Variants in C6orf89 observed in about 807,000 individuals in gnomAD.
C6orf89 encodes the protein bombesin receptor-activated protein C6orf89.
Under a neutral mutation model 40.7 loss-of-function variants are expected in C6orf89, and 29 were observed. The ratio of observed to expected loss-of-function variants is 0.71; its 90% CI spans 0.53 to 0.97. The LOEUF is 0.97. C6orf89 is among the 50% of genes least tolerant of loss of function. C6orf89 has a pLI of 0.00. For synonymous variants in C6orf89, 165 were observed against 152.2 expected (o/e 1.08, Z -0.62); for missense variants, 392 against 429.1 (o/e 0.91, Z 0.76).
At chr6:36,908,572 A>G (rs1324121623) in intron 4 of C6orf89, among the ~76,000 whole-genome samples, 1 of 152,204 alleles carries the variant, frequency 6.6e-6, no homozygotes, top group Non-Finnish European at 1.5e-5. Flanking sequence ...GTCTATACAA[A>G]TAGATATACT....
intron 7 of C6orf89, 103 bp downstream of exon 7, chr6:36,916,677 A>C: frequency 7.0e-7 from 1 of 1,434,592 alleles, no homozygotes; most frequent in South Asian, 1.2e-5. Flanking sequence ...AGAGGGTTAC[A>C]GGGTGAATTG....
At chr6:36,918,582 T>A (rs1219762988) in intron 7 of C6orf89, among the ~76,000 whole-genome samples, 1 of 151,768 alleles carries the variant, frequency 6.6e-6, no homozygotes, top group Non-Finnish European at 1.5e-5. Flanking sequence ...AGGCCCTGAG[T>A]GGTGAAGAGA....
chr6:36,913,888 C>T (rs1356186680), intron 4 of C6orf89, among the ~76,000 whole-genome samples: 1 of 152,186 alleles, frequency 6.6e-6, no homozygotes, highest in South Asian at 2.1e-4. Context: ...GGGCTGGATG[C>T]GGTGGCTTGC....
At chr6:36,902,818 G>A (rs1761774391) in intron 4 of C6orf89, among the ~76,000 whole-genome samples, 2 of 152,196 alleles carry the variant, frequency 1.3e-5, no homozygotes, top group Admixed American at 1.3e-4. Flanking sequence ...GAAAGCAACC[G>A]AGTTCAGCTT....
intron 7 of C6orf89, among the ~76,000 whole-genome samples, chr6:36,918,033 C>T (rs571042914): frequency 1.3e-5 from 2 of 152,342 alleles, no homozygotes; most frequent in South Asian, 4.1e-4. Context: ...GGCCCAAGCT[C>T]CCCTTTCCCC....
rs1762656231 is a variant in C6orf89 at position 36,925,748 on chromosome 6, A to T, written c.*2307A>T. ...GGGGTTGCCAGCCAGTCCCTTTCTG[A>T]TGATCAAGGCCCTGCACAGCAGGAT... is the stretch of plus-strand genomic sequence containing the variant. On this transcript the variant is annotated 3_prime_UTR_variant, in exon 9 of 9. Coordinates refer to ENST00000480824, the MANE Select transcript of C6orf89 (RefSeq NM_001286635.2). 6.6e-6 allele frequency: 1 copy of T among 152,218 alleles called. No homozygotes were observed. 9.4% of individuals were successfully genotyped at this position (152,218 alleles called of 1,614,324 possible). A position where few individuals can be genotyped will look rare whatever the true frequency, so the allele number is the denominator to read the frequency against.
chr6:36,874,180 G>A (rs1171299506), intron 1 of C6orf89, among the ~76,000 whole-genome samples: 1 of 152,190 alleles, frequency 6.6e-6, no homozygotes, highest in Non-Finnish European at 1.5e-5. Flanking sequence ...GAGTTGCTAA[G>A]ATTAAACTAA....
intron 7 of C6orf89, among the ~76,000 whole-genome samples, chr6:36,917,531 A>T (rs575153331): frequency 2.6e-5 from 4 of 152,354 alleles, no homozygotes; most frequent in African/African-American, 7.2e-5. Context: ...ATAAAAAAAT[A>T]AATTTCCCAA....
intron 1 of C6orf89, among the ~76,000 whole-genome samples, chr6:36,874,153 T>C (rs1774582191): frequency 6.6e-6 from 1 of 152,212 alleles, no homozygotes; most frequent in Non-Finnish European, 1.5e-5. Flanking sequence ...GAAAGTTAAA[T>C]AATACCTTCA....
intron 4 of C6orf89, among the ~76,000 whole-genome samples, chr6:36,902,754 T>G (rs1761772852): frequency 6.6e-6 from 1 of 152,220 alleles, no homozygotes. Flanking sequence ...CATCCTTTTC[T>G]CTCCTGTGAT....
chr6:36,894,790 G>T (rs571335497), intron 2 of C6orf89, among the ~76,000 whole-genome samples, 187 bp downstream of exon 2: 22 of 152,270 alleles, frequency 1.4e-4, no homozygotes, highest in Admixed American at 5.9e-4. Context: ...CTGGCATATA[G>T]GGTGGGAACA....
chr6:36,919,762 A>G (rs1408776823), intron 8 of C6orf89, 61 bp downstream of exon 8: 3 of 1,508,318 alleles, frequency 2.0e-6, no homozygotes, highest in Non-Finnish European at 2.7e-6. Flanking sequence ...CTCAAAAGCT[A>G]TTTTAAGAAT....
Position 36,886,019 on chromosome 6 carries a change from AGCCCCGCATGTGAGT to A in C6orf89, c.-127_-120+7del. 8.0e-7 allele frequency: 1 copy of A among 1,256,702 alleles called. No individual in the cohort carries two copies. The highest frequency in any genetic ancestry group is 1.0e-6 in the Non-Finnish European group (1 of 997,884). The allele number at this position is 1,256,702 out of a possible 1,614,324, so 77.8% of individuals were successfully genotyped here. A position where few individuals can be genotyped will look rare whatever the true frequency, so the allele number is the denominator to read the frequency against. On this transcript the variant is annotated splice_donor_variant and splice_donor_5th_base_variant and 5_prime_UTR_variant and intron_variant, in exon 1 of 9. Transcript: ENST00000480824. LOFTEE classifies it low-confidence loss of function (5UTR_SPLICE). ...AGGCGGGAGGAGCCCGAGGGGCGCG[AGCCCCGCATGTGAGT>A]GACTGGGGCCCGAGGCTGGGTGGGG...
intron 8 of C6orf89, among the ~76,000 whole-genome samples, chr6:36,920,824 T>C (rs1328465881): frequency 6.6e-6 from 1 of 152,138 alleles, no homozygotes; most frequent in Non-Finnish European, 1.5e-5. Flanking sequence ...ATATTTAGGT[T>C]TGGAGCATGT....
chr6:36,890,051 A>G (rs1355047816), intron 1 of C6orf89, among the ~76,000 whole-genome samples: 1 of 152,240 alleles, frequency 6.6e-6, no homozygotes, highest in Non-Finnish European at 1.5e-5. Flanking sequence ...GGACATAAGT[A>G]TGCCCTTGTG....
chr6:36,919,145 A>T (rs1386659009), intron 7 of C6orf89, among the ~76,000 whole-genome samples: 2 of 152,224 alleles, frequency 1.3e-5, no homozygotes, highest in Non-Finnish European at 1.5e-5. Flanking sequence ...GAATCTCAGA[A>T]TGTTGTATAC....
chr6:36,914,128 C>T (rs1468862294), intron 4 of C6orf89, among the ~76,000 whole-genome samples, 156 bp from the exon 5 acceptor site: 5 of 152,178 alleles, frequency 3.3e-5, no homozygotes, highest in African/African-American at 1.2e-4. Flanking sequence ...CCACTGCACT[C>T]CAGCCTGGGC....
upstream of C6orf89, chr6:36,885,787 G>A (rs140130186): frequency 9.6e-4 from 371 of 387,194 alleles, 9 homozygotes; most frequent in East Asian, 0.014. Context: ...GACGCCAGGG[G>A]GAGCAAGAAC....
At chr6:36,901,318 A>ATTTTTTTTTTT (rs1408790414) in intron 3 of C6orf89, among the ~76,000 whole-genome samples, 32 of 65,084 alleles carry the variant, frequency 4.9e-4, no homozygotes, top group Non-Finnish European at 7.2e-4. Flanking sequence ...TATTATTATT[A>ATTTTTTTTTTT]TTATTTTTTT....
Sources: gnomAD v4.1 joint callset for allele counts (sites outside exome capture counted in the v4.1 genomes callset) on GRCh38, gnomAD v4.1.1 for gene constraint, MANE v1.5 for transcripts, NCBI Gene and HGNC (gene_info 2026-07-23, HGNC 2026-07-21) for gene names.